CNTN6: variants seen among roughly 807,000 people sequenced by gnomAD.
CNTN6 encodes the protein contactin-6.
CNTN6 carries 137 observed loss-of-function variants against 122.8 expected under a neutral mutation model. The ratio of observed to expected loss-of-function variants is 1.12; its 90% CI spans 0.97 to 1.29. The LOEUF (loss-of-function observed/expected upper bound fraction) is 1.29, where lower values mean the gene tolerates loss of function less well. CNTN6 is among the 50% of genes most tolerant of loss of function. The pLI, the probability that CNTN6 is intolerant of heterozygous loss-of-function variation, is 0.00. For missense variants in CNTN6, 1,634 were observed against 1,223.4 expected (o/e 1.34, Z -5.01); for synonymous variants, 570 against 426.0 (o/e 1.34, Z -4.16).
chr3:1,164,009 A>T (rs149201270), intron 2 of CNTN6, among the ~76,000 whole-genome samples: 2 of 152,324 alleles, frequency 1.3e-5, no homozygotes, highest in Admixed American at 6.5e-5. Flanking sequence ...ATGTTTTCAG[A>T]ATTTCTCTTC....
chr3:1,155,255 A>G (rs57467675), intron 2 of CNTN6, among the ~76,000 whole-genome samples: 24,420 of 152,184 alleles, frequency 0.16, 2,951 homozygotes, highest in African/African-American at 0.32. Flanking sequence ...TGTGAGTCGT[A>G]TAAGTGGCTG....
At chr3:1,242,580 A>G (rs148270917) in intron 4 of CNTN6, among the ~76,000 whole-genome samples, 11,711 of 131,108 alleles carry the variant, frequency 0.089, 499 homozygotes, top group East Asian at 0.17. Flanking sequence ...GGGTGATTAG[A>G]TTTTAACGGG....
chr3:1,108,651 A>T (rs1254784408), intron 1 of CNTN6, among the ~76,000 whole-genome samples: 1 of 152,080 alleles, frequency 6.6e-6, no homozygotes. Context: ...TGCTTGTTAT[A>T]TTTAAGGCTC....
At chr3:1,319,110 C>T (rs796509980) in intron 7 of CNTN6, among the ~76,000 whole-genome samples, 12 of 151,724 alleles carry the variant, frequency 7.9e-5, no homozygotes, top group African/African-American at 2.9e-4. Context: ...CACAATTGGG[C>T]CACTTAAAAT....
chr3:1,361,285 T>C (rs901567510), intron 12 of CNTN6, among the ~76,000 whole-genome samples: 3 of 152,116 alleles, frequency 2.0e-5, no homozygotes, highest in African/African-American at 7.2e-5. Context: ...TTCAAAAGCA[T>C]TTGTCCTAAT....
intron 2 of CNTN6, among the ~76,000 whole-genome samples, chr3:1,194,904 T>A (rs1341088460): frequency 1.3e-5 from 2 of 152,056 alleles, no homozygotes; most frequent in Non-Finnish European, 2.9e-5. Context: ...ATCTAGGGAC[T>A]TGCTGACTCT....
intron 11 of CNTN6, among the ~76,000 whole-genome samples, chr3:1,350,951 T>C (rs1302935427): frequency 6.6e-6 from 1 of 151,920 alleles, no homozygotes; most frequent in Non-Finnish European, 1.5e-5. Flanking sequence ...ATGGCATAAT[T>C]CAATTGTTAA....
intron 2 of CNTN6, among the ~76,000 whole-genome samples, chr3:1,149,527 G>A (rs2092794181): frequency 6.6e-6 from 1 of 152,204 alleles, no homozygotes; most frequent in East Asian, 1.9e-4. Flanking sequence ...AATCAAACAG[G>A]AGAATCAGAA....
chr3:1,307,747 A>T (rs2125914182), intron 7 of CNTN6, among the ~76,000 whole-genome samples: 1 of 152,108 alleles, frequency 6.6e-6, no homozygotes, highest in East Asian at 1.9e-4. Flanking sequence ...TGGTCAGTTT[A>T]TTGTAGGCTG....
chr3:1,114,803 A>G (rs1314021439), intron 1 of CNTN6, among the ~76,000 whole-genome samples: 1 of 152,206 alleles, frequency 6.6e-6, no homozygotes, highest in Non-Finnish European at 1.5e-5. Flanking sequence ...AAAAAACTAA[A>G]TTTCATTTTC....
At chr3:1,103,474 T>C (rs2091058262) in intron 1 of CNTN6, among the ~76,000 whole-genome samples, 1 of 151,746 alleles carries the variant, frequency 6.6e-6, no homozygotes, top group Admixed American at 6.5e-5. Flanking sequence ...TTCTATCTGC[T>C]TTCTTTAGGG....
intron 17 of CNTN6, among the ~76,000 whole-genome samples, chr3:1,381,249 C>T (rs1337156105): frequency 6.6e-6 from 1 of 152,176 alleles, no homozygotes; most frequent in Non-Finnish European, 1.5e-5. Flanking sequence ...AAATCTCTTC[C>T]ATGCCATTCA....
chr3:1,348,339 T>A (rs1705084590), intron 11 of CNTN6, among the ~76,000 whole-genome samples: 1 of 151,910 alleles, frequency 6.6e-6, no homozygotes, highest in Non-Finnish European at 1.5e-5. Flanking sequence ...AAAACAATCC[T>A]TAGTATTAGC....
chr3:1,335,194 G>C (rs183201285), intron 11 of CNTN6, among the ~76,000 whole-genome samples: 1 of 152,274 alleles, frequency 6.6e-6, no homozygotes, highest in Admixed American at 6.5e-5. Context: ...TCTCTGATGA[G>C]GTTATAAGAG....
chr3:1,099,765 T>C (rs2090778355), intron 1 of CNTN6, among the ~76,000 whole-genome samples: 1 of 152,188 alleles, frequency 6.6e-6, no homozygotes, highest in African/African-American at 2.4e-5. Context: ...GTTGGACTTA[T>C]TTCTTACTTC....
intron 1 of CNTN6, among the ~76,000 whole-genome samples, chr3:1,134,326 G>T (rs962718806): frequency 6.6e-6 from 1 of 152,186 alleles, no homozygotes; most frequent in Non-Finnish European, 1.5e-5. Context: ...GCTGGTGATA[G>T]ATAGTAGGGC....
chr3:1,187,459 T>G (rs533902514), intron 2 of CNTN6, among the ~76,000 whole-genome samples: 8 of 152,134 alleles, frequency 5.3e-5, no homozygotes, highest in Non-Finnish European at 1.0e-4. Context: ...TATAGGCCCA[T>G]GGTGTCAGGC....
chr3:1,098,658 A>C (rs186309206), intron 1 of CNTN6, among the ~76,000 whole-genome samples: 9 of 149,170 alleles, frequency 6.0e-5, no homozygotes, highest in Admixed American at 2.7e-4. Context: ...ATGTCTGCTG[A>C]CTCCATTTTT....
intron 9 of CNTN6, among the ~76,000 whole-genome samples, chr3:1,326,823 T>C (rs560106844): frequency 6.6e-6 from 1 of 151,908 alleles, no homozygotes; most frequent in African/African-American, 2.4e-5. Context: ...CCTATTTTCC[T>C]TTTCCCTAGA....
Sources: gnomAD v4.1 joint callset for allele counts (sites outside exome capture counted in the v4.1 genomes callset) on GRCh38, gnomAD v4.1.1 for gene constraint, MANE v1.5 for transcripts, NCBI Gene and HGNC (gene_info 2026-07-23, HGNC 2026-07-21) for gene names.